Variants in HIPK2 observed in about 807,000 individuals in gnomAD.
The protein encoded by HIPK2 is homeodomain-interacting protein kinase 2.
A neutral mutation model predicts 113.7 loss-of-function variants in HIPK2; 27 were observed. That is an observed-to-expected ratio of 0.24 (90% confidence interval 0.17 to 0.33). HIPK2 has a LOEUF of 0.33. Among genes scored for constraint, HIPK2 ranks in the 10% least tolerant of loss-of-function variants. The probability of loss-of-function intolerance (pLI) is 1.00; values close to 1 mark genes in which losing one functional copy is unlikely to be tolerated. For missense variants in HIPK2, 1,257 were observed against 1,588.0 expected, an observed-to-expected ratio of 0.79 and a Z score of 3.54; for synonymous variants, 631 against 642.2, an observed-to-expected ratio of 0.98 and a Z score of 0.26.
chr7:139,571,934 CTA>C lies in HIPK2; in HGVS notation c.*991_*992del, dbSNP rs1199273414. 6.6e-6 allele frequency: 1 copy of C among 152,230 alleles called. No homozygotes were observed. The highest frequency in any genetic ancestry group is 1.5e-5 in the Non-Finnish European group (1 of 68,050). The allele number at this position is 152,230 out of a possible 1,614,324, so 9.4% of individuals were successfully genotyped here. A position where few individuals can be genotyped will look rare whatever the true frequency, so the allele number is the denominator to read the frequency against. On this transcript the variant is annotated 3_prime_UTR_variant, in exon 15 of 15. Coordinates refer to ENST00000406875, the MANE Select transcript of HIPK2 (RefSeq NM_022740.5). ...CTGCACCGCCACATTGGTTACATGC[CTA>C]TGTTATATCGCTTTTTTTTGTGCAA... is the stretch of plus-strand genomic sequence containing the variant.
intron 2 of HIPK2, among the ~76,000 whole-genome samples, chr7:139,684,588 T>C (rs573452425): frequency 9.7e-4 from 147 of 152,190 alleles, no homozygotes; most frequent in Non-Finnish European, 1.7e-3. Flanking sequence ...CTGGACATAG[T>C]GATGTGTACC....
intron 2 of HIPK2, among the ~76,000 whole-genome samples, chr7:139,641,537 G>A (rs1382185682): frequency 6.6e-6 from 1 of 152,172 alleles, no homozygotes; most frequent in African/African-American, 2.4e-5. Context: ...CCATGCGCTT[G>A]GGCTGCTTGG....
At chr7:139,600,621 G>T (rs1434741034) in intron 10 of HIPK2, 25 bp from the exon 11 acceptor site, 2 of 1,611,372 alleles carry the variant, frequency 1.2e-6, no homozygotes, top group African/African-American at 1.3e-5. Flanking sequence ...GGACAACAAG[G>T]TGCCTTAGAG....
intron 10 of HIPK2, among the ~76,000 whole-genome samples, chr7:139,601,145 G>A (rs1450257106): frequency 2.6e-5 from 4 of 151,954 alleles, no homozygotes; most frequent in African/African-American, 9.7e-5. Flanking sequence ...TCGGGAGGCT[G>A]AGGTGGCAGG....
intron 2 of HIPK2, among the ~76,000 whole-genome samples, chr7:139,633,875 G>A (rs1800709614): frequency 6.6e-6 from 1 of 151,788 alleles, no homozygotes; most frequent in South Asian, 2.1e-4. Context: ...AACCCAGGAG[G>A]CAGAGGCTGC....
intron 2 of HIPK2, among the ~76,000 whole-genome samples, chr7:139,643,659 G>C (rs976106694): frequency 2.0e-5 from 3 of 152,138 alleles, no homozygotes; most frequent in African/African-American, 7.2e-5. Flanking sequence ...AGTACAGCCA[G>C]GGACATGGAT....
At chr7:139,685,921 G>GATCA (rs1794202546) in intron 2 of HIPK2, among the ~76,000 whole-genome samples, 2 of 152,230 alleles carry the variant, frequency 1.3e-5, no homozygotes, top group African/African-American at 4.8e-5. Context: ...GTAGCCCATA[G>GATCA]ATCAAGGGGT....
chr7:139,585,827 C>A (rs1798815308), intron 12 of HIPK2, among the ~76,000 whole-genome samples: 1 of 152,098 alleles, frequency 6.6e-6, no homozygotes, highest in Non-Finnish European at 1.5e-5. Context: ...AGGGTAAGGA[C>A]TTGCTGGAAA....
chr7:139,591,927 A>C (rs1585247164), intron 12 of HIPK2, among the ~76,000 whole-genome samples: 2 of 152,264 alleles, frequency 1.3e-5, no homozygotes, highest in East Asian at 3.8e-4. Flanking sequence ...TATAGGTAGC[A>C]ATGGAGGCTA....
chr7:139,577,140 CT>C (rs966966045), intron 13 of HIPK2, among the ~76,000 whole-genome samples: 465 of 91,454 alleles, frequency 5.1e-3, no homozygotes, highest in African/African-American at 9.0e-3. Context: ...ACTGGGCTTC[CT>C]TTTTTTTTTT....
At chr7:139,725,009 GA>G (rs1457390433) in intron 1 of HIPK2, among the ~76,000 whole-genome samples, 2 of 151,670 alleles carry the variant, frequency 1.3e-5, no homozygotes, top group African/African-American at 2.4e-5. Context: ...CTGGGCATTT[GA>G]AAAAAACAAA....
rs572593542 is a variant in HIPK2 at position 139,597,115 on chromosome 7, G to A, written c.2436-117C>T. The A allele has an allele frequency of 4.8e-4, 538 of 1,129,288 alleles. 9 individuals are homozygous for A. In the South Asian group the frequency reaches 8.0e-3, roughly 17 times the overall value. 70.0% of individuals were successfully genotyped at this position (1,129,288 alleles called of 1,614,324 possible). On this transcript the variant is annotated intron_variant, in intron 11 of 14. Coordinates refer to ENST00000406875, the MANE Select transcript of HIPK2 (RefSeq NM_022740.5). The stretch of plus-strand genomic sequence containing the variant: ...CCAAATCTCTGTAAAACACGTCAGT[G>A]GCTGCCCAATGAGCCTCCATCTGTG...
Position 139,777,661 on chromosome 7 carries a change from G to T in HIPK2, c.-38C>A. 9.1e-7 allele frequency: 1 copy of T among 1,100,188 alleles called. No individual in the cohort carries two copies. Among genetic ancestry groups the T allele is most frequent in the African/African-American group, 1.7e-5 (1 of 59,580 alleles). 68.2% of individuals were successfully genotyped at this position (1,100,188 alleles called of 1,614,324 possible). A position where few individuals can be genotyped will look rare whatever the true frequency, so the allele number is the denominator to read the frequency against. The stretch of plus-strand genomic sequence containing the variant: ...GTCCGCGGTTCATGGCAACGGGGAC[G>T]GGAAAGCGGCGCGCGAGCTCGGCCC... On this transcript the variant is annotated 5_prime_UTR_variant, in exon 1 of 15. Transcript: ENST00000406875.
At chr7:139,609,733 T>C (rs1406670172) in intron 9 of HIPK2, among the ~76,000 whole-genome samples, 1 of 152,120 alleles carries the variant, frequency 6.6e-6, no homozygotes, top group Non-Finnish European at 1.5e-5. Flanking sequence ...CAGGCTAACA[T>C]ATTGGCATGG....
At chr7:139,625,944 C>T (rs769553714) in intron 6 of HIPK2, among the ~76,000 whole-genome samples, 10 of 152,250 alleles carry the variant, frequency 6.6e-5, no homozygotes, top group South Asian at 2.1e-4. Context: ...ACTAGTTTTG[C>T]GCTACAGAGA....
intron 2 of HIPK2, among the ~76,000 whole-genome samples, chr7:139,700,026 T>C (rs1003879565): frequency 9.9e-5 from 15 of 152,170 alleles, no homozygotes; most frequent in African/African-American, 3.6e-4. Context: ...GATGCAGATA[T>C]ACGACGTCTG....
In HIPK2 at chr7:139,597,691, T is replaced by C. The variant is rs187356359; in HGVS notation, c.2436-693A>G. On this transcript the variant is annotated intron_variant, in intron 11 of 14. Coordinates refer to ENST00000406875, the MANE Select transcript of HIPK2 (RefSeq NM_022740.5). ...GGAGGCGCATTAGTCTAAATTGTAATAGAAAATTTGGAAAAGTGCAAGAGT... is the reference window on the plus strand; with the variant it reads ...GGAGGCGCATTAGTCTAAATTGTAACAGAAAATTTGGAAAAGTGCAAGAGT... Among the ~76,000 whole-genome samples, 29 of 152,360 alleles carry C rather than the reference T, an allele frequency of 1.9e-4. No individual in the cohort carries two copies. The Middle Eastern group carries it at 0.014, about 71-fold the overall frequency.
At position 139,573,021 on chromosome 7, in the gene HIPK2, G is replaced by C. The variant is rs1227950398; in HGVS notation, c.3503C>G (p.Ala1168Gly). The change falls in exon 15 of 15, where the codon GCC becomes GGC. Residue 1168 changes from alanine to glycine, a missense_variant. By Grantham distance (60) the Ala-to-Gly change is moderately conservative. Coordinates refer to ENST00000406875, the MANE Select transcript of HIPK2 (RefSeq NM_022740.5). ...CGAGGCGCTGATGTAGGTCTGGTGG[G>C]CAAATTGGGCTGGATACTGACTCGG... ...IHPSQYPAQF[A>G]HQTYISASPA... 6.2e-7 allele frequency: 1 copy of C among 1,612,246 alleles called. No individual in the cohort carries two copies. The highest frequency in any genetic ancestry group is 8.5e-7 in the Non-Finnish European group (1 of 1,179,330).
In HIPK2 at chr7:139,604,222, T is replaced by G; in HGVS notation, c.2114A>C (p.Gln705Pro). 1 of 1,609,866 alleles carries G rather than the reference T, an allele frequency of 6.2e-7. No homozygotes were observed. The highest frequency in any genetic ancestry group is 8.5e-7 in the Non-Finnish European group (1 of 1,177,576). Residue 705 changes from glutamine (Q) to proline (P), a missense_variant and splice_region_variant, in exon 10 of 15, where the codon CAG (glutamine) becomes CCG (proline). By Grantham distance (76) the Gln-to-Pro change is moderately conservative (BLOSUM62 -1). This residue lies in a region of HIPK2 where 862 missense variants were observed against 1,004.3 expected (regional missense o/e 0.86). Transcript: ENST00000406875. Reference sequence around the variant, plus strand: ...CTGCTGGGTCCCACTTGGCCAAGCCTGCTGTAGAACACAGGACATGTGCAA... The same window carrying G: ...CTGCTGGGTCCCACTTGGCCAAGCCGGCTGTAGAACACAGGACATGTGCAA... ...LQIQPGLLAQ[Q>P]AWPSGTQQIL...
Sources: allele counts gnomAD v4.1 joint callset (sites outside exome capture counted in the v4.1 genomes callset), GRCh38; gene constraint gnomAD v4.1.1; regional missense constraint gnomAD v4.1.1; transcripts MANE v1.5; gene names NCBI Gene and HGNC (gene_info 2026-07-23, HGNC 2026-07-21).